Variants in ZNF536 observed in about 807,000 individuals in gnomAD.
ZNF536 encodes zinc finger protein 536.
In ZNF536, 13 loss-of-function variants were observed where a neutral mutation model predicts 84.5. The observed-to-expected ratio is 0.15, with a 90% CI of 0.10 to 0.24. The LOEUF is 0.24. Among genes scored for constraint, ZNF536 ranks in the 10% least tolerant of loss-of-function variants. ZNF536 has a pLI of 1.00. For synonymous variants in ZNF536, 811 were observed against 742.5 expected (o/e 1.09, Z -1.50); for missense variants, 1,536 against 1,747.5 (o/e 0.88, Z 2.16).
intron 1 of ZNF536, among the ~76,000 whole-genome samples, chr19:30,654,542 A>C (rs2049832048): frequency 6.6e-6 from 1 of 152,158 alleles, no homozygotes; most frequent in Non-Finnish European, 1.5e-5. Flanking sequence ...GCTTGTATTC[A>C]AAGATTTCTC....
intron 2 of ZNF536, among the ~76,000 whole-genome samples, chr19:30,493,521 G>T (rs188354511): frequency 2.6e-4 from 39 of 152,240 alleles, no homozygotes; most frequent in African/African-American, 9.4e-4. Context: ...TAGACACATA[G>T]ACCAAGAGAA....
intron 1 of ZNF536, among the ~76,000 whole-genome samples, chr19:30,702,367 G>A (rs935840541): frequency 5.9e-5 from 9 of 151,956 alleles, no homozygotes; most frequent in East Asian, 1.9e-4. Context: ...ACAAATTAAC[G>A]TATGATGTAC....
At position 30,342,432 on chromosome 19, in the gene ZNF536, G is replaced by T. The variant is rs192760485; in HGVS notation, c.-119-9936G>T. Among the ~76,000 whole-genome samples, 20 of 152,192 alleles carry T rather than the reference G, an allele frequency of 1.3e-4. 1 individual carries two copies. In the East Asian group the frequency reaches 3.9e-3, roughly 29 times the overall value. On this transcript the variant is annotated intron_variant, in intron 2 of 5. Coordinates refer to the ZNF536 transcript ENST00000585628. ...TGTATTCAAACAAATGTGGACTTGG[G>T]GTTGTGGACTCTGCTATGTGCTGAG...
At chr19:30,614,752 T>C (rs1397138537) in intron 1 of ZNF536, among the ~76,000 whole-genome samples, 3 of 151,656 alleles carry the variant, frequency 2.0e-5, no homozygotes, top group African/African-American at 7.3e-5. Context: ...AATTAGCCCA[T>C]TTCTGTCATT....
intron 3 of ZNF536, among the ~76,000 whole-genome samples, chr19:30,358,711 G>C (rs183780091): frequency 2.3e-3 from 346 of 152,380 alleles, no homozygotes; most frequent in Non-Finnish European, 3.0e-3. Flanking sequence ...GATGCAATCA[G>C]GCCAGGACGC....
At chr19:30,613,218 T>A (rs911562981) in intron 1 of ZNF536, among the ~76,000 whole-genome samples, 1 of 152,180 alleles carries the variant, frequency 6.6e-6, no homozygotes, top group East Asian at 1.9e-4. Context: ...CAGCTGTCAA[T>A]TTTTTTATGT....
intron 1 of ZNF536, among the ~76,000 whole-genome samples, chr19:30,570,973 G>T (rs958918419): frequency 2.0e-5 from 3 of 152,124 alleles, no homozygotes; most frequent in Admixed American, 1.3e-4. Flanking sequence ...CTGGACAGGT[G>T]GTCAGCTGCC....
intron 1 of ZNF536, among the ~76,000 whole-genome samples, chr19:30,674,795 G>A (rs1004382060): frequency 2.6e-5 from 4 of 152,176 alleles, no homozygotes; most frequent in Non-Finnish European, 4.4e-5. Flanking sequence ...ATTCGAGGTA[G>A]GCAGCTTTTT....
intron 2 of ZNF536, among the ~76,000 whole-genome samples, chr19:30,447,477 G>A (rs1367919859): frequency 1.3e-5 from 2 of 152,278 alleles, no homozygotes; most frequent in Non-Finnish European, 2.9e-5. Context: ...GAAACACACT[G>A]TCTACTCCTG....
chr19:30,330,551 C>A (rs1270999712), intron 2 of ZNF536, among the ~76,000 whole-genome samples: 1 of 152,128 alleles, frequency 6.6e-6, no homozygotes, highest in Non-Finnish European at 1.5e-5. Context: ...GGTTACATTG[C>A]CACTCTGGGC....
chr19:30,412,943 T>C (rs2050556205), intron 1 of ZNF536, among the ~76,000 whole-genome samples: 3 of 152,214 alleles, frequency 2.0e-5, no homozygotes, highest in Non-Finnish European at 2.9e-5. Context: ...TTACTTCTCA[T>C]TGTCATATCT....
chr19:30,364,553 C>T (rs770328268), intron 3 of ZNF536, among the ~76,000 whole-genome samples: 4 of 152,142 alleles, frequency 2.6e-5, no homozygotes, highest in Non-Finnish European at 5.9e-5. Flanking sequence ...CTTCACCAGC[C>T]TCTTGCAGAA....
chr19:30,327,904 C>T (rs1307232712), intron 2 of ZNF536, among the ~76,000 whole-genome samples: 1 of 152,172 alleles, frequency 6.6e-6, no homozygotes, highest in Non-Finnish European at 1.5e-5. Flanking sequence ...GGTTATATTA[C>T]CCAGTCAGTA....
intron 2 of ZNF536, among the ~76,000 whole-genome samples, chr19:30,468,416 A>G (rs1472441777): frequency 6.6e-6 from 1 of 152,094 alleles, no homozygotes. Context: ...CAAGTGTCAT[A>G]GCTGCTGCCT....
chr19:30,670,045 C>A (rs897048061), intron 1 of ZNF536, among the ~76,000 whole-genome samples: 1 of 152,208 alleles, frequency 6.6e-6, no homozygotes, highest in African/African-American at 2.4e-5. Context: ...CTCATCCTGC[C>A]CAGGTGGGAG....
intron 1 of ZNF536, among the ~76,000 whole-genome samples, chr19:30,587,737 G>A (rs1280030343): frequency 6.6e-6 from 1 of 152,244 alleles, no homozygotes; most frequent in Non-Finnish European, 1.5e-5. Flanking sequence ...GACTGGCCAT[G>A]GGAGTGGTGC....
At chr19:30,567,773 A>G (rs1599836135) in intron 1 of ZNF536, among the ~76,000 whole-genome samples, 1 of 152,122 alleles carries the variant, frequency 6.6e-6, no homozygotes, top group Non-Finnish European at 1.5e-5. Context: ...TGGAGATCCC[A>G]GATTATGTCT....
intron 1 of ZNF536, among the ~76,000 whole-genome samples, chr19:30,236,545 T>C (rs999031126): frequency 2.0e-5 from 3 of 146,808 alleles, no homozygotes; most frequent in South Asian, 2.2e-4. Flanking sequence ...GGGGGTACAA[T>C]TGGAATTTTA....
At chr19:30,262,307 G>C (rs1284691588) in intron 1 of ZNF536, among the ~76,000 whole-genome samples, 1 of 152,242 alleles carries the variant, frequency 6.6e-6, no homozygotes, top group African/African-American at 2.4e-5. Flanking sequence ...CAGGTGGGAA[G>C]GGACAGTCAT....
Sources: allele counts gnomAD v4.1 joint callset (sites outside exome capture counted in the v4.1 genomes callset), GRCh38; gene constraint gnomAD v4.1.1; transcripts MANE v1.5; gene names NCBI Gene and HGNC (gene_info 2026-07-23, HGNC 2026-07-21).